Variants in COL4A1 observed in about 807,000 individuals in gnomAD.
COL4A1 encodes collagen alpha-1(IV) chain.
A neutral mutation model predicts 216.6 loss-of-function variants in COL4A1; 40 were observed. The ratio of observed to expected loss-of-function variants is 0.18; its 90% CI spans 0.14 to 0.24. COL4A1 has a LOEUF of 0.24. Ranked by LOEUF, COL4A1 falls within the 10% of genes least tolerant of loss-of-function variation. COL4A1 has a pLI of 1.00. For synonymous variants in COL4A1, 839 were observed against 810.7 expected (o/e 1.03, Z -0.59); for missense variants, 1,628 against 2,196.8 (o/e 0.74, Z 5.18).
intron 17 of COL4A1, 84 bp from the exon 18 acceptor site, chr13:110,203,691 A>G: frequency 1.4e-6 from 2 of 1,420,014 alleles, no homozygotes; most frequent in Non-Finnish European, 2.0e-6. Context: ...TTCTTCTGGT[A>G]AAATAGAGTG....
intron 46 of COL4A1, among the ~76,000 whole-genome samples, chr13:110,164,040 G>A (rs940394052): frequency 1.4e-5 from 2 of 141,370 alleles, no homozygotes; most frequent in South Asian, 4.6e-4. Flanking sequence ...CCAGGCTGGA[G>A]TGCAGTGGTG....
At position 110,183,000 on chromosome 13, in the gene COL4A1, G is replaced by A. The variant is rs1433986609; in HGVS notation, c.2088C>T (p.Gly696=). 3.1e-6 allele frequency: 5 copies of A among 1,612,318 alleles called. No homozygotes were observed. Among genetic ancestry groups the A allele is most frequent in the Admixed American group, 3.3e-5 (2 of 59,874 alleles). The part of the protein sequence containing the change: ...QPGIGFPGPP[G]PKGVDGLPGD... The stretch of plus-strand genomic sequence containing the variant: ...TCCGTCTGGCAGGGTTACCTTTGGG[G>A]CCGGGGGGCCCTGGAAATCCAATGC... Residue 696 remains glycine (G), a synonymous_variant, in exon 28 of 52, where the codon GGC becomes GGT. Transcript: ENST00000375820.
intron 50 of COL4A1, 103 bp from the exon 51 acceptor site, chr13:110,152,609 C>T: frequency 1.5e-6 from 2 of 1,314,640 alleles, no homozygotes; most frequent in Non-Finnish European, 2.1e-6. Context: ...CTCTGGAAAG[C>T]CACACACTGC....
intron 22 of COL4A1, 105 bp from the exon 23 acceptor site, chr13:110,193,018 T>C (rs1248787037): frequency 9.4e-7 from 1 of 1,066,018 alleles, no homozygotes; most frequent in East Asian, 2.4e-5. Context: ...ACATATTACA[T>C]CCAAACTTAG....
intron 2 of COL4A1, among the ~76,000 whole-genome samples, chr13:110,227,815 A>G (rs1437282502): frequency 2.6e-5 from 4 of 152,334 alleles, no homozygotes; most frequent in African/African-American, 9.6e-5. Context: ...ATTCCACATA[A>G]ATATCCTGCC....
intron 28 of COL4A1, 148 bp from the exon 29 acceptor site, chr13:110,181,537 G>A (rs1334040910): frequency 2.5e-6 from 2 of 796,920 alleles, no homozygotes; most frequent in Non-Finnish European, 4.2e-6. Context: ...GTGGCTGGAA[G>A]AGGCCAGGGG....
rs371130027 is a variant in COL4A1 at position 110,149,597 on chromosome 13, C to T, written c.*766G>A. 8.5e-5 allele frequency: 13 copies of T among 152,598 alleles called. No individual in the cohort carries two copies. In the East Asian group the frequency reaches 2.5e-3, roughly 29 times the overall value. 9.5% of individuals were successfully genotyped at this position (152,598 alleles called of 1,614,324 possible). A position where few individuals can be genotyped will look rare whatever the true frequency, so the allele number is the denominator to read the frequency against. ...CATTCAATATCCTAGTCTTTAAAAA[C>T]CTATGTTAAAGGACAGCACAGTCTT... On this transcript the variant is annotated 3_prime_UTR_variant, in exon 52 of 52. Transcript: ENST00000375820.
intron 2 of COL4A1, among the ~76,000 whole-genome samples, chr13:110,219,698 ATGTATATACATATGTGTATATATATGTG>A (rs1880302666): frequency 1.4e-5 from 2 of 139,078 alleles, no homozygotes; most frequent in African/African-American, 2.8e-5. Flanking sequence ...ATGTATATAT[ATGTATATACATATGTGTATATATATGTG>A]TGTATATATA....
chr13:110,261,364 T>A (rs1314002893), intron 1 of COL4A1, among the ~76,000 whole-genome samples: 1 of 152,216 alleles, frequency 6.6e-6, no homozygotes, highest in Non-Finnish European at 1.5e-5. Context: ...ACATTTGAAG[T>A]TGCTTCCTTT....
chr13:110,158,416 A>G (rs1876895422), intron 49 of COL4A1, among the ~76,000 whole-genome samples: 1 of 152,174 alleles, frequency 6.6e-6, no homozygotes, highest in Admixed American at 6.5e-5. Flanking sequence ...TCTTCCCCCA[A>G]ACAGGGCATG....
At chr13:110,164,810 C>T in intron 46 of COL4A1, 52 bp downstream of exon 46, 10 of 1,602,636 alleles carry the variant, frequency 6.2e-6, no homozygotes, top group Non-Finnish European at 8.5e-6. Flanking sequence ...GAACTCTGAC[C>T]ACTGCCCCTC....
chr13:110,164,398 T>C (rs1188373049), intron 46 of COL4A1, among the ~76,000 whole-genome samples: 2 of 152,188 alleles, frequency 1.3e-5, no homozygotes, highest in African/African-American at 4.8e-5. Context: ...GCTCTTCAAA[T>C]AGGAGATGTT....
chr13:110,183,485 A>T (rs867662477), intron 26 of COL4A1, among the ~76,000 whole-genome samples: 5 of 152,186 alleles, frequency 3.3e-5, no homozygotes, highest in Non-Finnish European at 7.3e-5. Flanking sequence ...ATGCGTTTGC[A>T]TGTCCAAAAT....
chr13:110,254,428 T>G (rs1011443790), intron 1 of COL4A1, among the ~76,000 whole-genome samples: 1 of 152,146 alleles, frequency 6.6e-6, no homozygotes, highest in African/African-American at 2.4e-5. Flanking sequence ...GAGGGTGGCT[T>G]TGCTCTGAGG....
intron 43 of COL4A1, 119 bp downstream of exon 43, chr13:110,169,510 A>ACACACACACACG: frequency 6.6e-7 from 1 of 1,517,556 alleles, no homozygotes; most frequent in African/African-American, 1.4e-5. Flanking sequence ...ACACACACAC[A>ACACACACACACG]CACACACACA....
At chr13:110,215,998 G>A (rs193089288) in intron 2 of COL4A1, among the ~76,000 whole-genome samples, 9 of 152,376 alleles carry the variant, frequency 5.9e-5, no homozygotes, top group Admixed American at 2.0e-4. Context: ...GACACAGTAT[G>A]TGGATAAATA....
At chr13:110,267,429 C>A (rs1405895942) in intron 1 of COL4A1, among the ~76,000 whole-genome samples, 1 of 152,088 alleles carries the variant, frequency 6.6e-6, no homozygotes, top group Non-Finnish European at 1.5e-5. Flanking sequence ...TCAGTGCCTC[C>A]CCTTCTCTAA....
rs1876731169 is a variant in COL4A1, at chr13:110,155,313, G to T, written c.4725C>A (p.Ser1575=). Residue 1575 remains serine, a synonymous_variant, in exon 50 of 52, where the codon TCC becomes TCA. Transcript: ENST00000375820. The part of the protein sequence containing the change: ...IQIPPCPSGW[S]SLWIGYSFVM... ...CAAAAGAGTAGCCGATCCACAGCGAGGACCACCCGCTGGGGCACGGTGGGA... is the reference window on the plus strand; with the variant it reads ...CAAAAGAGTAGCCGATCCACAGCGATGACCACCCGCTGGGGCACGGTGGGA... 1.2e-5 allele frequency: 20 copies of T among 1,614,118 alleles called. No homozygotes were observed. Among genetic ancestry groups the T allele is most frequent in the Non-Finnish European group, 1.7e-5 (20 of 1,179,934 alleles).
At chr13:110,292,011 C>A (rs1334270169) in intron 1 of COL4A1, among the ~76,000 whole-genome samples, 1 of 152,154 alleles carries the variant, frequency 6.6e-6, no homozygotes, top group Non-Finnish European at 1.5e-5. Flanking sequence ...GAGATTCATG[C>A]CAAACATTTG....
Sources: allele counts gnomAD v4.1 joint callset (sites outside exome capture counted in the v4.1 genomes callset), GRCh38; gene constraint gnomAD v4.1.1; transcripts MANE v1.5; gene names NCBI Gene and HGNC (gene_info 2026-07-23, HGNC 2026-07-21).